PIK3C3: variants seen among roughly 807,000 people sequenced by gnomAD.
PIK3C3 encodes the protein PI3-kinase type 3.
A neutral mutation model predicts 126.1 loss-of-function variants in PIK3C3; 95 were observed. The ratio of observed to expected loss-of-function variants is 0.75; its 90% CI spans 0.64 to 0.89. PIK3C3 has a LOEUF of 0.89. Ranked by LOEUF, PIK3C3 falls within the 40% of genes least tolerant of loss-of-function variation. The probability of loss-of-function intolerance (pLI) is 0.00; values close to 1 mark genes in which losing one functional copy is unlikely to be tolerated. For synonymous variants in PIK3C3, 374 were observed against 360.0 expected, an observed-to-expected ratio of 1.04 and a Z score of -0.44; for missense variants, 829 against 1,063.2, an observed-to-expected ratio of 0.78 and a Z score of 3.06.
intron 24 of PIK3C3, among the ~76,000 whole-genome samples, chr18:42,074,709 A>C (rs1266410554): frequency 3.9e-5 from 6 of 152,056 alleles, no homozygotes; most frequent in Admixed American, 3.3e-4. Flanking sequence ...ATTCATACTA[A>C]CTTTCCATTT....
At position 42,084,386 on chromosome 18, in the gene PIK3C3, A is replaced by T. The variant is rs139842163; in HGVS notation, c.*3249A>T. 3.9e-5 allele frequency: 6 copies of T among 152,240 alleles called. No individual in the cohort carries two copies. Among genetic ancestry groups the T allele is most frequent in the African/African-American group, 1.4e-4 (6 of 41,548 alleles). 9.4% of individuals were successfully genotyped at this position (152,240 alleles called of 1,614,324 possible). Reference sequence around the variant, plus strand: ...ATGGAAAATAATTTTTTACAAGTAAATTTGAAGAACAATGTGAACTTTCTA... The same window carrying T: ...ATGGAAAATAATTTTTTACAAGTAATTTTGAAGAACAATGTGAACTTTCTA... On this transcript the variant is annotated 3_prime_UTR_variant, in exon 25 of 25. Coordinates refer to ENST00000262039, the MANE Select transcript of PIK3C3 (RefSeq NM_002647.4).
intron 2 of PIK3C3, among the ~76,000 whole-genome samples, chr18:41,961,858 A>T (rs929397955): frequency 1.3e-5 from 2 of 152,170 alleles, no homozygotes; most frequent in African/African-American, 2.4e-5. Context: ...TATTATTAAC[A>T]AACATTCCTC....
intron 18 of PIK3C3, among the ~76,000 whole-genome samples, chr18:42,040,043 T>C (rs537750800): frequency 3.1e-4 from 47 of 152,180 alleles, no homozygotes; most frequent in Non-Finnish European, 5.4e-4. Context: ...TGAAATGTTG[T>C]TTGCTTCATC....
chr18:42,035,197 A>G (rs1403471348), intron 16 of PIK3C3, among the ~76,000 whole-genome samples: 2 of 152,120 alleles, frequency 1.3e-5, no homozygotes, highest in African/African-American at 2.4e-5. Context: ...TCTACTGGAG[A>G]CTGAAATGTA....
chr18:41,957,586 AAG>A lies in PIK3C3; in HGVS notation c.91_92del (p.Glu31ThrfsTer5). The A allele has an allele frequency of 6.2e-7, 1 of 1,608,460 alleles. No individual in the cohort carries two copies. Among genetic ancestry groups the A allele is most frequent in the Non-Finnish European group, 8.5e-7 (1 of 1,178,608 alleles). On this transcript the variant is annotated frameshift_variant, in exon 2 of 25. Transcript: ENST00000262039. LOFTEE classifies it high-confidence loss of function. Reference protein sequence around the residue: ...VQLKIGSLEGKREQKSYKAVL... With the variant: ...VQLKIGSLEGXREQKSYKAVL... Reference sequence around the variant, plus strand: ...TGCTTTCAGAGGAAGCTTGGAAGGGAAGAGAGAACAAAAGAGTTATAAAGCTG... The same window carrying A: ...TGCTTTCAGAGGAAGCTTGGAAGGGAAGAGAACAAAAGAGTTATAAAGCTG...
chr18:42,034,961 A>G (rs1983984202), intron 16 of PIK3C3, among the ~76,000 whole-genome samples: 1 of 152,226 alleles, frequency 6.6e-6, no homozygotes, highest in South Asian at 2.1e-4. Context: ...CATAAGTTTC[A>G]TAAAGCAATC....
intron 24 of PIK3C3, among the ~76,000 whole-genome samples, chr18:42,068,965 A>G (rs1014332500): frequency 6.6e-6 from 1 of 151,916 alleles, no homozygotes; most frequent in Non-Finnish European, 1.5e-5. Context: ...AAAAAAAAAA[A>G]AAAGAAATAG....
At chr18:41,967,880 G>T (rs1980451926) in intron 3 of PIK3C3, among the ~76,000 whole-genome samples, 3 of 152,186 alleles carry the variant, frequency 2.0e-5, no homozygotes, top group African/African-American at 7.2e-5. Context: ...AGCAGCTGTT[G>T]CTGGGGCCTC....
chr18:42,039,752 A>T lies in PIK3C3; in HGVS notation c.2038+902A>T, dbSNP rs534826395. On this transcript the variant is annotated intron_variant, in intron 18 of 24. Coordinates refer to ENST00000262039, the MANE Select transcript of PIK3C3 (RefSeq NM_002647.4). ...GTCTCCTTACACTACTTCCTTTCATAGTACCCTTTATTCATAGTATTTACC... is the reference window on the plus strand; with the variant it reads ...GTCTCCTTACACTACTTCCTTTCATTGTACCCTTTATTCATAGTATTTACC... Among the ~76,000 whole-genome samples the T allele has an allele frequency of 1.9e-3, 290 of 152,308 alleles. 1 individual carries two copies. Among genetic ancestry groups the T allele is most frequent in the African/African-American group, 6.4e-3 (266 of 41,568 alleles).
chr18:42,058,017 A>G lies in PIK3C3; in HGVS notation c.2398A>G (p.Lys800Glu). 1 of 1,611,094 alleles carries G rather than the reference A, an allele frequency of 6.2e-7. No homozygotes were observed. The highest frequency in any genetic ancestry group is 8.5e-7 in the Non-Finnish European group (1 of 1,178,886). The change falls in exon 22 of 25, where the codon AAA (lysine) becomes GAA (glutamate). Residue 800 changes from lysine (K) to glutamate (E), a missense_variant. This residue lies in a region of PIK3C3 where 196 missense variants were observed against 312.8 expected (regional missense o/e 0.63). Transcript: ENST00000262039. ...TQSEQYQEFRKQCYTAFLHLR... is the reference protein window; with the variant it reads ...TQSEQYQEFREQCYTAFLHLR... Reference sequence around the variant, plus strand: ...GAGTGAGCAGTACCAAGAGTTCCGTAAACAGTGTTACACGGCTTTCCTCCA... The same window carrying G: ...GAGTGAGCAGTACCAAGAGTTCCGTGAACAGTGTTACACGGCTTTCCTCCA...
intron 4 of PIK3C3, among the ~76,000 whole-genome samples, chr18:41,974,233 A>T (rs1386992551): frequency 6.6e-6 from 1 of 152,166 alleles, no homozygotes; most frequent in Non-Finnish European, 1.5e-5. Context: ...TACAAGCCAG[A>T]CTTAACCCTC....
chr18:41,991,498 A>G (rs949525803), intron 6 of PIK3C3, among the ~76,000 whole-genome samples: 17 of 152,208 alleles, frequency 1.1e-4, no homozygotes, highest in African/African-American at 3.9e-4. Flanking sequence ...TAGTAGATTA[A>G]TATTTCTTCT....
chr18:41,989,127 T>G (rs1473323953), intron 5 of PIK3C3, among the ~76,000 whole-genome samples: 2 of 152,134 alleles, frequency 1.3e-5, no homozygotes, highest in African/African-American at 4.8e-5. Flanking sequence ...TCTTGCTGTG[T>G]CACCCAGGCT....
intron 3 of PIK3C3, among the ~76,000 whole-genome samples, chr18:41,963,148 A>T (rs559277281): frequency 1.3e-5 from 2 of 152,164 alleles, no homozygotes; most frequent in South Asian, 4.1e-4. Flanking sequence ...TTCTCCTGGG[A>T]CAGAGGACTC....
At chr18:41,986,725 C>CT (rs1598869951) in intron 4 of PIK3C3, among the ~76,000 whole-genome samples, 1 of 151,952 alleles carries the variant, frequency 6.6e-6, no homozygotes, top group African/African-American at 2.4e-5. Context: ...TTAGTTCCTG[C>CT]TTTTTGTAAT....
chr18:41,981,667 C>T (rs754449815), intron 4 of PIK3C3, among the ~76,000 whole-genome samples: 4 of 151,948 alleles, frequency 2.6e-5, no homozygotes, highest in Middle Eastern at 3.4e-3. Flanking sequence ...TTATAAATTA[C>T]GGCATAGCTT....
Position 41,957,678 on chromosome 18 carries a change from T to C in PIK3C3, c.177T>C (p.Val59=), listed in dbSNP as rs1979854747. Residue 59 remains valine, a synonymous_variant, in exon 2 of 25, where the codon GTT becomes GTC. Coordinates refer to ENST00000262039, the MANE Select transcript of PIK3C3 (RefSeq NM_002647.4). ...LYQETCSDLY[V]TCQVFAEGKP... ...AAGAGACATGCTCTGATCTTTATGT[T>C]ACTTGTCAAGTTTTTGCAGAAGGGA... 6.2e-7 allele frequency: 1 copy of C among 1,614,050 alleles called. No individual in the cohort carries two copies. The highest frequency in any genetic ancestry group is 1.3e-5 in the African/African-American group (1 of 75,060).
intron 3 of PIK3C3, among the ~76,000 whole-genome samples, chr18:41,966,174 T>C (rs2144302711): frequency 6.8e-6 from 1 of 145,986 alleles, no homozygotes; most frequent in Non-Finnish European, 1.5e-5. Context: ...AAGTATATTG[T>C]TCCTTTTTTT....
chr18:41,959,465 A>G (rs2144288498), intron 2 of PIK3C3, among the ~76,000 whole-genome samples: 1 of 151,230 alleles, frequency 6.6e-6, no homozygotes, highest in South Asian at 2.1e-4. Context: ...ATTTAAAACG[A>G]CTTTGAAATT....
Sources: allele counts gnomAD v4.1 joint callset (sites outside exome capture counted in the v4.1 genomes callset), GRCh38; gene constraint gnomAD v4.1.1; regional missense constraint gnomAD v4.1.1; transcripts MANE v1.5; gene names NCBI Gene and HGNC (gene_info 2026-07-23, HGNC 2026-07-21).